Variants in FGF1 observed in about 807,000 individuals in gnomAD.
FGF1 encodes the protein beta-endothelial cell growth factor.
In FGF1, 9 loss-of-function variants were observed where a neutral mutation model predicts 13.4. The ratio of observed to expected loss-of-function variants is 0.67; its 90% CI spans 0.40 to 1.17. The LOEUF (loss-of-function observed/expected upper bound fraction) is 1.17. FGF1 is among the 50% of genes most tolerant of loss of function. The pLI is 0.01. For missense variants in FGF1, 156 were observed against 192.7 expected (o/e 0.81, Z 1.13); for synonymous variants, 93 against 79.0 (o/e 1.18, Z -0.94).
Position 142,592,658 on chromosome 5 carries a change from A to G in FGF1, c.*2632T>C, listed in dbSNP as rs1754487772. The G allele has an allele frequency of 2.6e-6, 1 of 389,754 alleles. No individual in the cohort carries two copies. The highest frequency in any genetic ancestry group is 4.5e-6 in the Non-Finnish European group (1 of 220,842). 24.1% of individuals were successfully genotyped at this position (389,754 alleles called of 1,614,324 possible). A position where few individuals can be genotyped will look rare whatever the true frequency, so the allele number is the denominator to read the frequency against. On this transcript the variant is annotated 3_prime_UTR_variant, in exon 4 of 4. Transcript: ENST00000337706. ...CATGTTCAAAACAGAGCAGGGAACT[A>G]CCAACCTCTTCCTTCTAAGAAGATC...
At chr5:142,687,044 CATG>C (rs1231837401), upstream of FGF1, among the ~76,000 whole-genome samples, 1 of 152,168 alleles carries the variant, frequency 6.6e-6, no homozygotes, top group Non-Finnish European at 1.5e-5. Context: ...CAAATGAAAA[CATG>C]ATTAATAGTT....
In FGF1 at chr5:142,635,362, G is replaced by A. The variant is rs532447852; in HGVS notation, c.-34-21201C>T. On this transcript the variant is annotated intron_variant, in intron 1 of 3. Coordinates refer to ENST00000337706, the MANE Select transcript of FGF1 (RefSeq NM_000800.5). ...CATCTTCATCTTGCTCAAATCCACC[G>A]CCATCATCACCTTTCTATTGTACCT... Among the ~76,000 whole-genome samples the A allele has an allele frequency of 6.6e-5, 10 of 152,214 alleles. No individual in the cohort carries two copies. In the South Asian group the frequency reaches 8.3e-4, roughly 13 times the overall value.
intron 1 of FGF1, among the ~76,000 whole-genome samples, chr5:142,673,624 C>A (rs1377477048): frequency 1.3e-5 from 2 of 152,132 alleles, no homozygotes; most frequent in Admixed American, 6.5e-5. Flanking sequence ...GAAGAACCAG[C>A]CTGACTCTTT....
chr5:142,660,338 C>T (rs1408393995), intron 1 of FGF1, among the ~76,000 whole-genome samples: 1 of 152,252 alleles, frequency 6.6e-6, no homozygotes, highest in Non-Finnish European at 1.5e-5. Flanking sequence ...AGCATGGAGC[C>T]TTCAGCCTGC....
At chr5:142,607,172 C>G (rs1757864520) in intron 2 of FGF1, among the ~76,000 whole-genome samples, 1 of 152,104 alleles carries the variant, frequency 6.6e-6, no homozygotes, top group Non-Finnish European at 1.5e-5. Context: ...AGCATAGGCA[C>G]TTATAAAAGG....
In FGF1 at chr5:142,594,694, T is replaced by C. The variant is rs1223372431; in HGVS notation, c.*596A>G. On this transcript the variant is annotated 3_prime_UTR_variant, in exon 4 of 4. Coordinates refer to ENST00000337706, the MANE Select transcript of FGF1 (RefSeq NM_000800.5). ...CTGCGGCTGGGCCTCCCTTTCTTCA[T>C]TTATTCTACATGGAGATGCCATCCT... is the stretch of plus-strand genomic sequence containing the variant. 6.6e-6 allele frequency: 1 copy of C among 152,334 alleles called. No homozygotes were observed. Among genetic ancestry groups the C allele is most frequent in the East Asian group, 1.9e-4 (1 of 5,190 alleles). 9.4% of individuals were successfully genotyped at this position (152,334 alleles called of 1,614,324 possible). A position where few individuals can be genotyped will look rare whatever the true frequency, so the allele number is the denominator to read the frequency against.
intron 1 of FGF1, among the ~76,000 whole-genome samples, chr5:142,684,133 C>T (rs931589724): frequency 6.6e-6 from 1 of 152,222 alleles, no homozygotes; most frequent in Admixed American, 6.5e-5. Context: ...TTTCCTGTAA[C>T]AGCAGTCCCA....
chr5:142,697,595 G>A (rs1431802494), intron 2 of FGF1: 1 of 152,418 alleles, frequency 6.6e-6, no homozygotes, highest in Non-Finnish European at 1.5e-5. Flanking sequence ...AGCAATCTGA[G>A]CCCTTTGCAG....
At chr5:142,661,469 A>G (rs2151999973) in intron 1 of FGF1, among the ~76,000 whole-genome samples, 1 of 152,362 alleles carries the variant, frequency 6.6e-6, no homozygotes, top group African/African-American at 2.4e-5. Flanking sequence ...ATGACCCAAC[A>G]ATCCAGCACC....
At chr5:142,629,897 T>TA (rs1192027988) in intron 1 of FGF1, among the ~76,000 whole-genome samples, 7,840 of 108,878 alleles carry the variant, frequency 0.072, 172 homozygotes, top group African/African-American at 0.11. Context: ...ATATATATAT[T>TA]TTTTTTTTTT....
chr5:142,608,708 C>CATATATATATATAT (rs149917804), intron 2 of FGF1, among the ~76,000 whole-genome samples: 102 of 144,310 alleles, frequency 7.1e-4, no homozygotes, highest in African/African-American at 1.5e-3. Context: ...GACTGAATGA[C>CATATATATATATAT]ATATATATAT....
intron 1 of FGF1, among the ~76,000 whole-genome samples, chr5:142,624,489 G>GT (rs1383755367): frequency 1.3e-5 from 2 of 152,214 alleles, no homozygotes; most frequent in African/African-American, 4.8e-5. Context: ...TCAACATGAC[G>GT]TGCTAGTGAT....
At position 142,645,263 on chromosome 5, in the gene FGF1, G is replaced by A. The variant is rs185249105; in HGVS notation, c.-34-31102C>T. Among the ~76,000 whole-genome samples, 421 of 152,366 alleles carry A rather than the reference G, an allele frequency of 2.8e-3. 1 individual carries two copies. Among genetic ancestry groups the A allele is most frequent in the Non-Finnish European group, 4.6e-3 (315 of 68,028 alleles). ...AACGTCTCCACTCTGAGCACTCACA[G>A]CCCTGGCAGACGGCTCAGTCATAGC... On this transcript the variant is annotated intron_variant, in intron 1 of 3. Coordinates refer to ENST00000337706, the MANE Select transcript of FGF1 (RefSeq NM_000800.5).
At position 142,634,730 on chromosome 5, in the gene FGF1, C is replaced by G. The variant is rs17223458; in HGVS notation, c.-34-20569G>C. 9.8e-3 allele frequency among the ~76,000 whole-genome samples: 1,496 copies of G among 152,286 alleles called. 25 individuals carry two copies. The highest frequency in any genetic ancestry group is 0.034 in the African/African-American group (1,419 of 41,546). ...TTTGGGAGTTCACAAAATAATGAAG[C>G]CTCCCTCCTCAGTTTGGACTGCAGA... On this transcript the variant is annotated intron_variant, in intron 1 of 3. Coordinates refer to ENST00000337706, the MANE Select transcript of FGF1 (RefSeq NM_000800.5).
At chr5:142,624,854 A>G (rs1762203513) in intron 1 of FGF1, among the ~76,000 whole-genome samples, 1 of 152,246 alleles carries the variant, frequency 6.6e-6, no homozygotes, top group African/African-American at 2.4e-5. Context: ...CTTTCATAAC[A>G]GACTGTGGCA....
chr5:142,609,287 GC>G (rs1334389584), intron 2 of FGF1, among the ~76,000 whole-genome samples: 2 of 152,202 alleles, frequency 1.3e-5, no homozygotes, highest in Non-Finnish European at 2.9e-5. Context: ...AGTGAGTGGT[GC>G]CGGTAATTCT....
upstream of FGF1, among the ~76,000 whole-genome samples, chr5:142,688,293 A>G (rs544080996): frequency 2.6e-5 from 4 of 152,152 alleles, no homozygotes; most frequent in Non-Finnish European, 5.9e-5. Flanking sequence ...ATATCCTTCA[A>G]TTTCTACATT....
chr5:142,651,328 C>T (rs749083757), intron 1 of FGF1, among the ~76,000 whole-genome samples: 7 of 152,126 alleles, frequency 4.6e-5, no homozygotes, highest in Non-Finnish European at 8.8e-5. Context: ...ACCTTTTTAC[C>T]TTTTTATTTG....
intron 3 of FGF1, among the ~76,000 whole-genome samples, chr5:142,598,346 A>C (rs759254754): frequency 2.0e-5 from 3 of 152,224 alleles, no homozygotes; most frequent in Non-Finnish European, 4.4e-5. Flanking sequence ...CCGTCCCTCC[A>C]CCAGGATTTG....
Sources: allele counts gnomAD v4.1 joint callset (sites outside exome capture counted in the v4.1 genomes callset), GRCh38; gene constraint gnomAD v4.1.1; transcripts MANE v1.5; gene names NCBI Gene and HGNC (gene_info 2026-07-23, HGNC 2026-07-21).